Variants in PFDN1 observed in about 807,000 individuals in gnomAD.
The protein encoded by PFDN1 is prefoldin subunit 1, also known as prefoldin 1.
In PFDN1, 6 loss-of-function variants were observed where a neutral mutation model predicts 17.3. The ratio of observed to expected loss-of-function variants is 0.35; its 90% CI spans 0.19 to 0.69. The LOEUF (loss-of-function observed/expected upper bound fraction) is 0.69. Ranked by LOEUF, PFDN1 falls within the 30% of genes least tolerant of loss-of-function variation. The pLI is 0.65. For missense variants in PFDN1, 113 were observed against 146.2 expected, an observed-to-expected ratio of 0.77 and a Z score of 1.17; for synonymous variants, 58 against 50.1, an observed-to-expected ratio of 1.16 and a Z score of -0.67.
chr5:140,268,779 G>C (rs1416495864), intron 3 of PFDN1, among the ~76,000 whole-genome samples: 1 of 152,156 alleles, frequency 6.6e-6, no homozygotes, highest in Non-Finnish European at 1.5e-5. Flanking sequence ...ATGTCTTCCT[G>C]GGTATGTCAA....
intron 2 of PFDN1, among the ~76,000 whole-genome samples, chr5:140,293,638 G>T (rs1186828171): frequency 6.6e-6 from 1 of 152,004 alleles, no homozygotes; most frequent in Non-Finnish European, 1.5e-5. Context: ...GAAGAAACAG[G>T]ACTATGTAAT....
At chr5:140,289,773 C>T (rs1359160208) in intron 2 of PFDN1, among the ~76,000 whole-genome samples, 1 of 152,176 alleles carries the variant, frequency 6.6e-6, no homozygotes, top group African/African-American at 2.4e-5. Flanking sequence ...CCCATACCAA[C>T]ATTCCCTATA....
chr5:140,263,492 TAA>T (rs1468540521), intron 3 of PFDN1, among the ~76,000 whole-genome samples: 1 of 152,204 alleles, frequency 6.6e-6, no homozygotes, highest in African/African-American at 2.4e-5. Flanking sequence ...GGGCCAGAAA[TAA>T]AAGTTACTTA....
rs375894487 is a variant in PFDN1 at position 140,258,354 on chromosome 5, CCT to C, written c.286-12299_286-12298del. Among the ~76,000 whole-genome samples the C allele has an allele frequency of 2.9e-4, 44 of 151,862 alleles. No homozygotes were observed. The East Asian group carries it at 7.6e-3, about 26-fold the overall frequency. ...GGTGGTCCAGGGCAGCCAAAACCCC[CCT>C]GAGCAGTTGCCTCCAGCTTTGAGCA... On this transcript the variant is annotated intron_variant, in intron 3 of 3. Transcript: ENST00000261813.
intron 3 of PFDN1, among the ~76,000 whole-genome samples, chr5:140,267,685 C>T (rs1428039625): frequency 1.3e-5 from 2 of 151,830 alleles, no homozygotes; most frequent in East Asian, 1.9e-4. Flanking sequence ...CAATTCAGTC[C>T]GACAACGCCC....
At chr5:140,297,944 T>C (rs1765677317) in intron 2 of PFDN1, among the ~76,000 whole-genome samples, 1 of 152,226 alleles carries the variant, frequency 6.6e-6, no homozygotes, top group African/African-American at 2.4e-5. Flanking sequence ...TACAACATGT[T>C]AATAAAGCTG....
intron 3 of PFDN1, among the ~76,000 whole-genome samples, chr5:140,261,991 T>C (rs1189294760): frequency 3.3e-5 from 5 of 151,994 alleles, no homozygotes; most frequent in African/African-American, 7.3e-5. Context: ...TAAGTTACCA[T>C]AGAACTGGGG....
intron 1 of PFDN1, among the ~76,000 whole-genome samples, chr5:140,302,678 C>T (rs1765765899): frequency 6.6e-6 from 1 of 152,172 alleles, no homozygotes. Context: ...GATGCCACAG[C>T]TCAGGCAAGG....
chr5:140,301,741 C>G (rs1162826013), intron 1 of PFDN1, among the ~76,000 whole-genome samples: 1 of 152,174 alleles, frequency 6.6e-6, no homozygotes, highest in Non-Finnish European at 1.5e-5. Flanking sequence ...GCAATAAATT[C>G]AAAAGTACCG....
At chr5:140,273,210 A>T (rs973623222) in intron 3 of PFDN1, among the ~76,000 whole-genome samples, 1 of 149,914 alleles carries the variant, frequency 6.7e-6, no homozygotes, top group Non-Finnish European at 1.5e-5. Flanking sequence ...GTGCCACTGC[A>T]CTCTAGCCTG....
intron 2 of PFDN1, among the ~76,000 whole-genome samples, chr5:140,284,902 A>AG (rs1441068164): frequency 6.6e-6 from 1 of 152,196 alleles, no homozygotes; most frequent in Non-Finnish European, 1.5e-5. Flanking sequence ...CTGAAAACAT[A>AG]ATTCTGAGAC....
intron 1 of PFDN1, among the ~76,000 whole-genome samples, chr5:140,301,755 G>A (rs1441757045): frequency 1.3e-5 from 2 of 152,142 alleles, no homozygotes; most frequent in African/African-American, 4.8e-5. Flanking sequence ...AGTACCGGGA[G>A]GCAAATCCAT....
At position 140,276,666 on chromosome 5, in the gene PFDN1, GA is replaced by G. The variant is rs544573865; in HGVS notation, c.285+4782del. Among the ~76,000 whole-genome samples, 35 of 150,824 alleles carry G rather than the reference GA, an allele frequency of 2.3e-4. No homozygotes were observed. The East Asian group carries it at 6.1e-3, about 26-fold the overall frequency. ...GTGGTGGCACACACCTGTAATCCCA[GA>G]AGGGATCTCCTGCTGAGGCAGGAGA... On this transcript the variant is annotated intron_variant, in intron 3 of 3. Transcript: ENST00000261813.
At chr5:140,249,933 G>A (rs1170297865) in intron 3 of PFDN1, among the ~76,000 whole-genome samples, 2 of 152,150 alleles carry the variant, frequency 1.3e-5, no homozygotes, top group Admixed American at 6.5e-5. Flanking sequence ...GGGGGTTGGG[G>A]GGGTCTGGGG....
At chr5:140,285,991 TTTTA>T (rs1311501876) in intron 2 of PFDN1, among the ~76,000 whole-genome samples, 2 of 151,912 alleles carry the variant, frequency 1.3e-5, no homozygotes, top group African/African-American at 2.4e-5. Flanking sequence ...AAATAAATTT[TTTTA>T]AAAAAGAATG....
chr5:140,277,056 C>A (rs1351670509), intron 3 of PFDN1, among the ~76,000 whole-genome samples: 1 of 151,764 alleles, frequency 6.6e-6, no homozygotes, highest in Non-Finnish European at 1.5e-5. Context: ...CCCGTCTCTA[C>A]TAAAAATACA....
At chr5:140,277,022 C>G (rs1219593165) in intron 3 of PFDN1, among the ~76,000 whole-genome samples, 1 of 151,754 alleles carries the variant, frequency 6.6e-6, no homozygotes, top group Admixed American at 6.6e-5. Context: ...GAGTTCGAGA[C>G]CAGGCTGGCC....
chr5:140,258,393 T>C (rs1296922335), intron 3 of PFDN1, among the ~76,000 whole-genome samples: 1 of 149,484 alleles, frequency 6.7e-6, no homozygotes, highest in Non-Finnish European at 1.5e-5. Flanking sequence ...CTTTGTCCGG[T>C]TACCCCAGTG....
chr5:140,256,880 G>A (rs751711428), intron 3 of PFDN1, among the ~76,000 whole-genome samples: 48 of 151,944 alleles, frequency 3.2e-4, no homozygotes, highest in Admixed American at 3.1e-3. Context: ...GCCTGGAGGT[G>A]TGTCGTGGAC....
Sources: allele counts gnomAD v4.1 joint callset (sites outside exome capture counted in the v4.1 genomes callset), GRCh38; gene constraint gnomAD v4.1.1; transcripts MANE v1.5; gene names NCBI Gene and HGNC (gene_info 2026-07-23, HGNC 2026-07-21).